Variants in TTC4 observed in about 807,000 individuals in gnomAD.
TTC4 encodes the protein tetratricopeptide repeat domain 4.
A neutral mutation model predicts 51.9 loss-of-function variants in TTC4; 36 were observed. The ratio of observed to expected loss-of-function variants is 0.69; its 90% CI spans 0.53 to 0.92. The LOEUF is 0.92. Ranked by LOEUF, TTC4 falls within the 40% of genes least tolerant of loss-of-function variation. The pLI, the probability that TTC4 is intolerant of heterozygous loss-of-function variation, is 0.00. For missense variants in TTC4, 399 were observed against 454.6 expected (o/e 0.88, Z 1.11); for synonymous variants, 144 against 164.2 (o/e 0.88, Z 0.94).
rs1427115311 is a variant in TTC4, at chr1:54,737,668, A to G, written c.1061+4A>G. The G allele has an allele frequency of 1.9e-6, 3 of 1,612,220 alleles. No individual in the cohort carries two copies. Among genetic ancestry groups the G allele is most frequent in the South Asian group, 2.2e-5 (2 of 90,936 alleles). On this transcript the variant is annotated splice_donor_region_variant and intron_variant, in intron 9 of 9. Transcript: ENST00000371281. The stretch of plus-strand genomic sequence containing the variant: ...TACAGGTTCTACAGCACCAGAGGTG[A>G]GTCATCTCATGGCGCTGAGTAGATT...
At chr1:54,736,954 C>T (rs1645951946) in intron 8 of TTC4, 1 of 152,742 alleles carries the variant, frequency 6.5e-6, no homozygotes, top group South Asian at 2.1e-4. Context: ...CCTAGTTGGG[C>T]CTGTAAACTC....
intron 8 of TTC4, among the ~76,000 whole-genome samples, chr1:54,736,208 GA>G (rs1222992548): frequency 7.6e-6 from 1 of 131,296 alleles, no homozygotes; most frequent in Non-Finnish European, 1.6e-5. Context: ...GAGAGAGAGA[GA>G]GAGAGAGAGA....
At chr1:54,718,065 G>A (rs1452957578) in intron 3 of TTC4, among the ~76,000 whole-genome samples, 6 of 152,154 alleles carry the variant, frequency 3.9e-5, no homozygotes, top group South Asian at 2.1e-4. Flanking sequence ...ATCTCAAAGC[G>A]TTCTGTGGGA....
chr1:54,731,546 C>T lies in TTC4; in HGVS notation c.742C>T (p.Leu248=). The change falls in exon 7 of 10, where the codon CTA becomes TTA. Residue 248 remains leucine, a synonymous_variant. Coordinates refer to ENST00000371281, the MANE Select transcript of TTC4 (RefSeq NM_004623.5). ...CEDEDSASEG[L]GELFLDGLST... is the part of the protein sequence containing the mutation. The stretch of plus-strand genomic sequence containing the variant: ...GGATGAAGATTCAGCCTCAGAAGGT[C>T]TAGGTGAGCTTTTCCTGGATGGACT... The T allele has an allele frequency of 2.5e-6, 4 of 1,613,990 alleles. No individual in the cohort carries two copies. The highest frequency in any genetic ancestry group is 3.4e-6 in the Non-Finnish European group (4 of 1,179,980).
intron 4 of TTC4, among the ~76,000 whole-genome samples, chr1:54,722,146 T>G (rs1645750700): frequency 6.7e-6 from 1 of 150,038 alleles, no homozygotes; most frequent in Non-Finnish European, 1.5e-5. Context: ...TTTTTTTTTT[T>G]GATGGGGGAG....
At chr1:54,733,115 GAAA>G (rs1645887868) in intron 7 of TTC4, among the ~76,000 whole-genome samples, 1 of 150,208 alleles carries the variant, frequency 6.7e-6, no homozygotes, top group Admixed American at 6.6e-5. Context: ...GAAAAGAAAA[GAAA>G]AAAAGAAAAT....
rs557486329 is a variant in TTC4, at chr1:54,728,296, G to T, written c.595-50G>T. 7.1e-6 allele frequency: 11 copies of T among 1,548,918 alleles called. No homozygotes were observed. In the African/African-American group the frequency reaches 1.1e-4, roughly 15 times the overall value. On this transcript the variant is annotated intron_variant, in intron 5 of 9. Transcript: ENST00000371281. Reference sequence around the variant, plus strand: ...AATTTAGGAGCAGGCTAGTGCAATAGAAGAGGAAGCCAGGTCTCTAGAGCT... The same window carrying T: ...AATTTAGGAGCAGGCTAGTGCAATATAAGAGGAAGCCAGGTCTCTAGAGCT...
At chr1:54,723,850 G>A (rs1163371431) in intron 5 of TTC4, among the ~76,000 whole-genome samples, 2 of 152,148 alleles carry the variant, frequency 1.3e-5, no homozygotes, top group Non-Finnish European at 2.9e-5. Flanking sequence ...CATCATTTTA[G>A]CTGTTATGTG....
chr1:54,739,138 C>T (rs951359800), intron 9 of TTC4, among the ~76,000 whole-genome samples: 1 of 151,804 alleles, frequency 6.6e-6, no homozygotes, highest in African/African-American at 2.4e-5. Context: ...TCCGAAAGTG[C>T]TGAGATTACA....
chr1:54,737,038 T>C, intron 8 of TTC4: 1 of 153,876 alleles, frequency 6.5e-6, no homozygotes, highest in Admixed American at 6.5e-5. Flanking sequence ...TGGACAGCCA[T>C]CTTACAAGGG....
At position 54,741,563 on chromosome 1, in the gene TTC4, C is replaced by G; in HGVS notation, c.*50C>G. On this transcript the variant is annotated 3_prime_UTR_variant, in exon 10 of 10. Coordinates refer to ENST00000371281, the MANE Select transcript of TTC4 (RefSeq NM_004623.5). ...TCCCTTACCCTCCTCTGCTGGGAAC[C>G]TAGCACACCTGAATCAGCTGGACAT... is the stretch of plus-strand genomic sequence containing the variant. The G allele has an allele frequency of 6.9e-7, 1 of 1,443,468 alleles. No individual in the cohort carries two copies. The highest frequency in any genetic ancestry group is 1.4e-5 in the African/African-American group (1 of 71,446). The allele number at this position is 1,443,468 out of a possible 1,614,324, so 89.4% of individuals were successfully genotyped here.
At chr1:54,731,810 G>A (rs1645868844) in intron 7 of TTC4, 110 bp downstream of exon 7, 1 of 1,023,902 alleles carries the variant, frequency 9.8e-7, no homozygotes. Flanking sequence ...TGGTTTAGAG[G>A]GTTTCACACC....
chr1:54,716,495 G>A (rs1570026028), intron 1 of TTC4, 105 bp from the exon 2 acceptor site: 5 of 828,068 alleles, frequency 6.0e-6, no homozygotes, highest in Non-Finnish European at 9.7e-6. Flanking sequence ...TAGCTGTGAT[G>A]ATTTGCAAAT....
intron 8 of TTC4, 92 bp from the exon 9 acceptor site, chr1:54,737,490 G>A (rs951018400): frequency 1.0e-5 from 12 of 1,172,422 alleles, no homozygotes; most frequent in South Asian, 5.6e-5. Context: ...ACTACTAACC[G>A]TTGCCATCTT....
At chr1:54,735,939 A>G (rs559249751) in intron 8 of TTC4, among the ~76,000 whole-genome samples, 5 of 152,170 alleles carry the variant, frequency 3.3e-5, no homozygotes, top group Non-Finnish European at 7.4e-5. Flanking sequence ...TTGCTTTCTT[A>G]CATAGGATGT....
rs1485779475 is a variant in TTC4, at chr1:54,740,809, C to T, written c.1062-602C>T. Among the ~76,000 whole-genome samples the T allele has an allele frequency of 3.3e-5, 5 of 152,286 alleles. No homozygotes were observed. The South Asian group carries it at 8.3e-4, about 25-fold the overall frequency. On this transcript the variant is annotated intron_variant, in intron 9 of 9. Coordinates refer to ENST00000371281, the MANE Select transcript of TTC4 (RefSeq NM_004623.5). ...GACTCCTTTTGCTTTGTGCCCTAGCCACAGCAAACATTCTGGTTACTTGCA... is the reference window on the plus strand; with the variant it reads ...GACTCCTTTTGCTTTGTGCCCTAGCTACAGCAAACATTCTGGTTACTTGCA...
chr1:54,730,963 T>C (rs1463782553), intron 6 of TTC4, among the ~76,000 whole-genome samples: 1 of 152,164 alleles, frequency 6.6e-6, no homozygotes, highest in Non-Finnish European at 1.5e-5. Flanking sequence ...GAATTAATTA[T>C]TCCATCGTCT....
Position 54,733,858 on chromosome 1 carries a change from T to C in TTC4, c.978+148T>C, listed in dbSNP as rs555094359. The stretch of plus-strand genomic sequence containing the variant: ...TAATATTTACCATTTTAACCATTTT[T>C]AGGTATATAGGTCAGTGGCATTAAG... On this transcript the variant is annotated intron_variant, in intron 8 of 9. Coordinates refer to ENST00000371281, the MANE Select transcript of TTC4 (RefSeq NM_004623.5). The C allele has an allele frequency of 8.0e-5, 44 of 552,372 alleles. 1 individual carries two copies. In the Admixed American group the frequency reaches 1.3e-3, roughly 16 times the overall value. The allele number at this position is 552,372 out of a possible 1,614,324, so 34.2% of individuals were successfully genotyped here. A position where few individuals can be genotyped will look rare whatever the true frequency, so the allele number is the denominator to read the frequency against.
chr1:54,715,902 A>G lies in TTC4; in HGVS notation c.-7A>G. On this transcript the variant is annotated 5_prime_UTR_variant, in exon 1 of 10. Transcript: ENST00000371281. ...TGGGACCCGGGCTGGAAGGCAGGGC[A>G]TCAGCTATGGAACAACCTGGGCAGG... is the stretch of plus-strand genomic sequence containing the variant. The G allele has an allele frequency of 6.3e-7, 1 of 1,598,878 alleles. No individual in the cohort carries two copies. Among genetic ancestry groups the G allele is most frequent in the Non-Finnish European group, 8.5e-7 (1 of 1,172,736 alleles).
Sources: gnomAD v4.1 joint callset for allele counts (sites outside exome capture counted in the v4.1 genomes callset) on GRCh38, gnomAD v4.1.1 for gene constraint, MANE v1.5 for transcripts, NCBI Gene and HGNC (gene_info 2026-07-23, HGNC 2026-07-21) for gene names.